The following PDE11A variants were observed in gnomAD, a reference collection of about 807,000 sequenced individuals.
PDE11A encodes phosphodiesterase 11A, also known as dual 3',5'-cyclic-AMP and -GMP phosphodiesterase 11A.
A neutral mutation model predicts 100.5 loss-of-function variants in PDE11A; 100 were observed. The observed-to-expected ratio is 1.00, with a 90% CI of 0.85 to 1.18. The LOEUF (loss-of-function observed/expected upper bound fraction) is 1.18. Among genes scored for constraint, PDE11A ranks in the 50% most tolerant of loss-of-function variants. PDE11A has a pLI of 0.00. For missense variants in PDE11A, 1,141 were observed against 1,152.6 expected (o/e 0.99, Z 0.15); for synonymous variants, 381 against 420.8 (o/e 0.91, Z 1.16).
intron 9 of PDE11A, among the ~76,000 whole-genome samples, chr2:177,806,686 G>A (rs940298763): frequency 2.6e-5 from 4 of 152,004 alleles, no homozygotes; most frequent in African/African-American, 9.7e-5. Flanking sequence ...ATCAATACAG[G>A]CAGACTTACA....
intron 2 of PDE11A, among the ~76,000 whole-genome samples, chr2:178,007,924 T>C (rs1574338089): frequency 6.6e-6 from 1 of 152,104 alleles, no homozygotes; most frequent in African/African-American, 2.4e-5. Flanking sequence ...GCCAGGCTGG[T>C]CTCGAACTCC....
At chr2:178,043,000 A>AT (rs567177315) in intron 1 of PDE11A, among the ~76,000 whole-genome samples, 121 of 152,188 alleles carry the variant, frequency 8.0e-4, no homozygotes, top group South Asian at 2.3e-3. Flanking sequence ...GATTTTATAG[A>AT]TTTTTTTCCT....
chr2:177,902,763 G>A (rs1375555139), intron 3 of PDE11A, among the ~76,000 whole-genome samples: 1 of 152,140 alleles, frequency 6.6e-6, no homozygotes, highest in Non-Finnish European at 1.5e-5. Flanking sequence ...AGCTGTGCCA[G>A]CCAAGAGTCT....
chr2:177,670,528 A>C (rs573164601), intron 17 of PDE11A, among the ~76,000 whole-genome samples: 1 of 152,344 alleles, frequency 6.6e-6, no homozygotes, highest in South Asian at 2.1e-4. Flanking sequence ...CTGGATTTAA[A>C]AAAATATTGG....
At chr2:177,939,998 A>T (rs542092482) in intron 2 of PDE11A, among the ~76,000 whole-genome samples, 1 of 152,300 alleles carries the variant, frequency 6.6e-6, no homozygotes, top group East Asian at 1.9e-4. Flanking sequence ...AATTTTTTTT[A>T]AAAGAGTGAA....
Position 177,637,444 on chromosome 2 carries a change from T to G in PDE11A, c.2647-7882A>C, listed in dbSNP as rs184300045. ...GTAGCACACTCTCCATCTCTCCAATTCTATCTATCGCACTGAAAAGGTATT... is the reference window on the plus strand; with the variant it reads ...GTAGCACACTCTCCATCTCTCCAATGCTATCTATCGCACTGAAAAGGTATT... On this transcript the variant is annotated intron_variant, in intron 19 of 19. Coordinates refer to ENST00000286063, the MANE Select transcript of PDE11A (RefSeq NM_016953.4). Among the ~76,000 whole-genome samples, 3 of 152,268 alleles carry G rather than the reference T, an allele frequency of 2.0e-5. No homozygotes were observed. The East Asian group carries it at 5.8e-4, about 29-fold the overall frequency.
chr2:177,906,018 T>G (rs138085481), intron 2 of PDE11A, among the ~76,000 whole-genome samples: 1 of 152,186 alleles, frequency 6.6e-6, no homozygotes, highest in African/African-American at 2.4e-5. Context: ...TCCAGAGAGA[T>G]AGAATGCTCC....
intron 5 of PDE11A, among the ~76,000 whole-genome samples, chr2:177,845,364 G>A (rs1314534975): frequency 4.0e-5 from 6 of 150,678 alleles, no homozygotes; most frequent in African/African-American, 7.3e-5. Context: ...GGTCTCGGCC[G>A]GGCAGAGGCG....
At chr2:177,630,094 T>C (rs2079895529) in intron 19 of PDE11A, among the ~76,000 whole-genome samples, 1 of 151,958 alleles carries the variant, frequency 6.6e-6, no homozygotes, top group South Asian at 2.1e-4. Context: ...TTGTGCTAAA[T>C]ATACAAAGCA....
chr2:177,857,340 C>G (rs187143627), intron 5 of PDE11A, among the ~76,000 whole-genome samples: 2 of 151,820 alleles, frequency 1.3e-5, no homozygotes, highest in Non-Finnish European at 1.5e-5. Flanking sequence ...AGGGAGCAAT[C>G]TGAATCCACA....
chr2:178,050,461 C>T (rs886400715), intron 1 of PDE11A, among the ~76,000 whole-genome samples: 9 of 152,158 alleles, frequency 5.9e-5, no homozygotes, highest in Admixed American at 6.5e-5. Flanking sequence ...TCTAACGGAA[C>T]GCAGCTCCTC....
rs191884946 is a variant in PDE11A at position 178,047,394 on chromosome 2, C to T, written c.912+24132G>A. Among the ~76,000 whole-genome samples the T allele has an allele frequency of 1.0e-4, 15 of 150,248 alleles. 1 individual carries two copies. In the South Asian group the frequency reaches 2.3e-3, roughly 23 times the overall value. The stretch of plus-strand genomic sequence containing the variant: ...AGGAGAATAGCTTGAACCCAGGAGG[C>T]GGAGGTTGCAGTGAGCCAAGATCAT... On this transcript the variant is annotated intron_variant, in intron 1 of 19. Coordinates refer to ENST00000286063, the MANE Select transcript of PDE11A (RefSeq NM_016953.4).
chr2:177,668,632 C>T (rs1042284725), intron 18 of PDE11A, among the ~76,000 whole-genome samples: 1 of 152,138 alleles, frequency 6.6e-6, no homozygotes, highest in African/African-American at 2.4e-5. Flanking sequence ...AGTTCTCTTG[C>T]TTTTCCTTGT....
rs138924481 is a variant in PDE11A, at chr2:177,919,875, G to A, written c.1072-14688C>T. 4.5e-4 allele frequency among the ~76,000 whole-genome samples: 68 copies of A among 152,236 alleles called. 1 individual carries two copies. The East Asian group carries it at 0.012, about 27-fold the overall frequency. ...AAACGAGAAATAAGAGGAACCAATT[G>A]TAAGGTTATGATGACCAAAACAGAA... On this transcript the variant is annotated intron_variant, in intron 2 of 19. Coordinates refer to ENST00000286063, the MANE Select transcript of PDE11A (RefSeq NM_016953.4).
intron 5 of PDE11A, among the ~76,000 whole-genome samples, chr2:177,847,492 AC>A (rs2083620107): frequency 6.6e-6 from 1 of 152,142 alleles, no homozygotes; most frequent in South Asian, 2.1e-4. Context: ...CTTGATTACA[AC>A]CAGGCCTCCA....
chr2:177,840,025 C>T (rs2083464217), intron 6 of PDE11A, among the ~76,000 whole-genome samples: 1 of 152,002 alleles, frequency 6.6e-6, no homozygotes, highest in African/African-American at 2.4e-5. Context: ...ATAAAATATA[C>T]CCAATCATAA....
At chr2:178,032,408 C>T (rs904074625) in intron 1 of PDE11A, among the ~76,000 whole-genome samples, 3 of 151,436 alleles carry the variant, frequency 2.0e-5, no homozygotes, top group East Asian at 2.0e-4. Flanking sequence ...TGCTTGAACC[C>T]GGGAGGCAGA....
chr2:177,907,087 A>G (rs1013906231), intron 2 of PDE11A, among the ~76,000 whole-genome samples: 1 of 152,152 alleles, frequency 6.6e-6, no homozygotes, highest in Non-Finnish European at 1.5e-5. Context: ...AATATATCAT[A>G]GGCTTGCTTC....
intron 2 of PDE11A, among the ~76,000 whole-genome samples, chr2:177,977,289 A>T (rs1461808558): frequency 2.8e-5 from 4 of 143,546 alleles, no homozygotes; most frequent in South Asian, 2.4e-4. Context: ...ATTCTTATAC[A>T]CCAACAACAG....
Sources: allele counts gnomAD v4.1 joint callset (sites outside exome capture counted in the v4.1 genomes callset), GRCh38; gene constraint gnomAD v4.1.1; transcripts MANE v1.5; gene names NCBI Gene and HGNC (gene_info 2026-07-23, HGNC 2026-07-21).